Variants in NSA2 observed in about 807,000 individuals in gnomAD.
The protein encoded by NSA2 is NSA2 ribosome biogenesis factor.
NSA2 carries 18 observed loss-of-function variants against 34.8 expected under a neutral mutation model. The observed-to-expected ratio is 0.52, with a 90% confidence interval of 0.36 to 0.77. The LOEUF (loss-of-function observed/expected upper bound fraction) is 0.77. NSA2 is among the 30% of genes least tolerant of loss of function. The probability of loss-of-function intolerance (pLI) is 0.00; values close to 1 mark genes in which losing one functional copy is unlikely to be tolerated. For missense variants in NSA2, 188 were observed against 314.7 expected, an observed-to-expected ratio of 0.60 and a Z score of 3.05; for synonymous variants, 79 against 100.2, an observed-to-expected ratio of 0.79 and a Z score of 1.26.
rs1745227635 is a variant in NSA2, at chr5:74,778,367, A to C, written c.*1696A>C. 6.6e-6 allele frequency: 1 copy of C among 152,048 alleles called. No individual in the cohort carries two copies. Among genetic ancestry groups the C allele is most frequent in the Non-Finnish European group, 1.5e-5 (1 of 67,890 alleles). The allele number at this position is 152,048 out of a possible 1,614,324, so 9.4% of individuals were successfully genotyped here. A position where few individuals can be genotyped will look rare whatever the true frequency, so the allele number is the denominator to read the frequency against. Reference sequence around the variant, plus strand: ...AGGTAATCCCAAGGGATAAAGCAGAACATAAGAGCAGATATTTAGATATTA... The same window carrying C: ...AGGTAATCCCAAGGGATAAAGCAGACCATAAGAGCAGATATTTAGATATTA... On this transcript the variant is annotated 3_prime_UTR_variant, in exon 6 of 6. Transcript: ENST00000610426.
At chr5:74,772,411 G>A (rs1250861725) in intron 4 of NSA2, among the ~76,000 whole-genome samples, 1 of 147,914 alleles carries the variant, frequency 6.8e-6, no homozygotes, top group Admixed American at 6.7e-5. Flanking sequence ...GAGCCACCGT[G>A]CCCGGCCAAC....
intron 4 of NSA2, 81 bp downstream of exon 4, chr5:74,770,891 A>G: frequency 9.2e-7 from 1 of 1,090,054 alleles, no homozygotes; most frequent in Admixed American, 2.7e-5. Context: ...ATTTCCTGAA[A>G]TTCTTTAAAT....
In NSA2 at chr5:74,777,352, C is replaced by T. The variant is rs1477705150; in HGVS notation, c.*681C>T. On this transcript the variant is annotated 3_prime_UTR_variant, in exon 6 of 6. Transcript: ENST00000610426. ...CTGTATTCTAAACAATATATTTATA[C>T]TTTCAGAATAGTATTAAGAATTAGT... The T allele has an allele frequency of 6.6e-6, 1 of 152,000 alleles. No individual in the cohort carries two copies. The highest frequency in any genetic ancestry group is 2.4e-5 in the African/African-American group (1 of 41,382). 9.4% of individuals were successfully genotyped at this position (152,000 alleles called of 1,614,324 possible). A position where few individuals can be genotyped will look rare whatever the true frequency, so the allele number is the denominator to read the frequency against.
At chr5:74,773,737 G>A (rs1745021409) in intron 4 of NSA2, 131 bp from the exon 5 acceptor site, 1 of 665,306 alleles carries the variant, frequency 1.5e-6, no homozygotes, top group African/African-American at 1.8e-5. Flanking sequence ...TATTTTGTTA[G>A]CTTCTTTAAG....
Position 74,767,377 on chromosome 5 carries a change from C to G in NSA2, c.3+14C>G. ...GCCGTCACCATGGTAAGGAGGATGC[C>G]TCGGACGCTCGCGACACACAGCGTC... On this transcript the variant is annotated intron_variant, in intron 1 of 5. Transcript: ENST00000610426. 6.2e-7 allele frequency: 1 copy of G among 1,612,696 alleles called. No homozygotes were observed. The highest frequency in any genetic ancestry group is 8.5e-7 in the Non-Finnish European group (1 of 1,179,608).
In NSA2 at chr5:74,778,069, A is replaced by G. The variant is rs1745210757; in HGVS notation, c.*1398A>G. The G allele has an allele frequency of 6.6e-6, 1 of 152,122 alleles. No individual in the cohort carries two copies. The highest frequency in any genetic ancestry group is 1.5e-5 in the Non-Finnish European group (1 of 67,928). The allele number at this position is 152,122 out of a possible 1,614,324, so 9.4% of individuals were successfully genotyped here. The stretch of plus-strand genomic sequence containing the variant: ...CACAAGTTCTAGAAGGCGAATAAAA[A>G]TACTGACTCCAGGTAATTTCTGGAT... On this transcript the variant is annotated 3_prime_UTR_variant, in exon 6 of 6. Coordinates refer to ENST00000610426, the MANE Select transcript of NSA2 (RefSeq NM_014886.6).
intron 1 of NSA2, among the ~76,000 whole-genome samples, chr5:74,767,989 G>C (rs1490835444): frequency 6.6e-6 from 1 of 152,178 alleles, no homozygotes; most frequent in African/African-American, 2.4e-5. Context: ...GCTGGACTTG[G>C]CTTTGTATCA....
At chr5:74,774,742 A>G (rs1339914335) in intron 5 of NSA2, among the ~76,000 whole-genome samples, 1 of 152,222 alleles carries the variant, frequency 6.6e-6, no homozygotes, top group African/African-American at 2.4e-5. Context: ...AACATATTTT[A>G]AAAGTGAGGT....
intron 5 of NSA2, among the ~76,000 whole-genome samples, chr5:74,776,387 C>A (rs971121737): frequency 1.3e-5 from 2 of 152,056 alleles, no homozygotes; most frequent in African/African-American, 4.8e-5. Flanking sequence ...GCCTGTGGTC[C>A]CAGCTACCCG....
intron 3 of NSA2, among the ~76,000 whole-genome samples, chr5:74,769,960 C>A (rs899335915): frequency 6.6e-6 from 1 of 152,122 alleles, no homozygotes; most frequent in Admixed American, 6.5e-5. Context: ...GGAAGAAATA[C>A]AGAGACATAT....
Position 74,773,966 on chromosome 5 carries a change from G to A in NSA2, c.621G>A (p.Leu207=). ...LGVKKNPSSP[L]YTTLGVITKG... is the part of the protein sequence containing the mutation. ...TAAAGAAGAATCCCTCATCCCCACT[G>A]TATACAACTTTGGGTGTTATTACCA... The change falls in exon 5 of 6, where the codon CTG becomes CTA. Residue 207 remains leucine, a synonymous_variant. Transcript: ENST00000610426. 6.2e-7 allele frequency: 1 copy of A among 1,614,010 alleles called. No homozygotes were observed. The highest frequency in any genetic ancestry group is 8.5e-7 in the Non-Finnish European group (1 of 1,179,918).
chr5:74,773,118 A>G (rs1184757030), intron 4 of NSA2, among the ~76,000 whole-genome samples: 3 of 152,162 alleles, frequency 2.0e-5, no homozygotes, highest in African/African-American at 7.2e-5. Flanking sequence ...ACCACTCACC[A>G]TTTAATCTGG....
In NSA2 at chr5:74,774,012, A is replaced by G. The variant is rs1189546079; in HGVS notation, c.667A>G (p.Asn223Asp). 1 of 1,613,882 alleles carries G rather than the reference A, an allele frequency of 6.2e-7. No homozygotes were observed. Among genetic ancestry groups the G allele is most frequent in the Non-Finnish European group, 8.5e-7 (1 of 1,179,990 alleles). The change falls in exon 5 of 6, where the codon AAT (asparagine) becomes GAT (aspartate). Residue 223 changes from asparagine to aspartate, a missense_variant. Coordinates refer to ENST00000610426, the MANE Select transcript of NSA2 (RefSeq NM_014886.6). ...TACCAAAGGTACTGTCATTGAAGTAAATGTGAGCGAATTGGGCCTTGTGAC... is the reference window on the plus strand; with the variant it reads ...TACCAAAGGTACTGTCATTGAAGTAGATGTGAGCGAATTGGGCCTTGTGAC... Reference protein sequence around the residue: ...VITKGTVIEVNVSELGLVTQG... With the variant: ...VITKGTVIEVDVSELGLVTQG...
At chr5:74,775,997 A>G (rs1580059447) in intron 5 of NSA2, among the ~76,000 whole-genome samples, 1 of 152,330 alleles carries the variant, frequency 6.6e-6, no homozygotes, top group African/African-American at 2.4e-5. Context: ...AGGAAGAATT[A>G]TGTGAAAAAG....
chr5:74,776,129 T>C (rs2112427649), intron 5 of NSA2, among the ~76,000 whole-genome samples: 1 of 152,368 alleles, frequency 6.6e-6, no homozygotes, highest in Admixed American at 6.5e-5. Flanking sequence ...AAATTTGTCC[T>C]TAAATGATTG....
chr5:74,774,784 AG>A (rs1554044649), intron 5 of NSA2, among the ~76,000 whole-genome samples: 1 of 152,254 alleles, frequency 6.6e-6, no homozygotes, highest in Non-Finnish European at 1.5e-5. Context: ...CAATGACTAA[AG>A]ATGTCTTCCG....
intron 4 of NSA2, among the ~76,000 whole-genome samples, chr5:74,773,402 G>T (rs558613929): frequency 6.6e-6 from 1 of 151,488 alleles, no homozygotes; most frequent in East Asian, 1.9e-4. Context: ...GGAGGCTGAG[G>T]TGGGTGGATA....
At position 74,769,122 on chromosome 5, in the gene NSA2, A is replaced by T; in HGVS notation, c.191+4A>T. ...AGAAAATACAAATGAAAAAGACGTAAGTGGTCTCATTTATTTGTCATAACA... is the reference window on the plus strand; with the variant it reads ...AGAAAATACAAATGAAAAAGACGTATGTGGTCTCATTTATTTGTCATAACA... On this transcript the variant is annotated splice_donor_region_variant and intron_variant, in intron 2 of 5. Coordinates refer to ENST00000610426, the MANE Select transcript of NSA2 (RefSeq NM_014886.6). The T allele has an allele frequency of 6.2e-7, 1 of 1,602,286 alleles. No individual in the cohort carries two copies. The highest frequency in any genetic ancestry group is 2.2e-5 in the East Asian group (1 of 44,812).
At chr5:74,772,124 A>ATTT (rs1188382017) in intron 4 of NSA2, among the ~76,000 whole-genome samples, 1 of 137,026 alleles carries the variant, frequency 7.3e-6, no homozygotes, top group Non-Finnish European at 1.6e-5. Flanking sequence ...AACCTGAGTA[A>ATTT]TTTTTTTTTT....
Sources: allele counts gnomAD v4.1 joint callset (sites outside exome capture counted in the v4.1 genomes callset), GRCh38; gene constraint gnomAD v4.1.1; transcripts MANE v1.5; gene names NCBI Gene and HGNC (gene_info 2026-07-23, HGNC 2026-07-21).